The following PDE4D variants were observed in gnomAD, a reference collection of about 807,000 sequenced individuals.
PDE4D encodes 3',5'-cyclic-AMP phosphodiesterase 4D.
PDE4D carries 24 observed loss-of-function variants against 87.4 expected under a neutral mutation model. The observed-to-expected ratio is 0.27, with a 90% CI of 0.20 to 0.39. PDE4D has a LOEUF of 0.39. PDE4D is among the 10% of genes least tolerant of loss of function. PDE4D has a pLI of 1.00. For missense variants in PDE4D, 714 were observed against 1,041.0 expected, an observed-to-expected ratio of 0.69 and a Z score of 4.32; for synonymous variants, 384 against 383.2, an observed-to-expected ratio of 1.00 and a Z score of -0.02.
intron 2 of PDE4D, among the ~76,000 whole-genome samples, chr5:60,031,568 G>A (rs1332606185): frequency 6.6e-6 from 1 of 152,186 alleles, no homozygotes; most frequent in Non-Finnish European, 1.5e-5. Flanking sequence ...CCAAACCAAA[G>A]CAGATGTCAG....
chr5:59,521,867 T>C (rs1354843934), intron 1 of PDE4D, among the ~76,000 whole-genome samples: 1 of 152,244 alleles, frequency 6.6e-6, no homozygotes, highest in African/African-American at 2.4e-5. Context: ...GTCTGGTACA[T>C]GGTAAACACT....
chr5:59,009,127 A>G (rs1752253605), intron 6 of PDE4D, among the ~76,000 whole-genome samples: 1 of 152,150 alleles, frequency 6.6e-6, no homozygotes, highest in Non-Finnish European at 1.5e-5. Context: ...TGCTAGTGAG[A>G]ATGCAAAATG....
chr5:60,147,895 C>A, intron 2 of PDE4D: 1 of 417,996 alleles, frequency 2.4e-6, no homozygotes, highest in Non-Finnish European at 4.8e-6. Context: ...GAAAGAGAAA[C>A]TGTAACCAAG....
At chr5:60,137,751 A>G (rs977790865) in intron 2 of PDE4D, among the ~76,000 whole-genome samples, 5 of 151,936 alleles carry the variant, frequency 3.3e-5, no homozygotes, top group African/African-American at 1.2e-4. Context: ...TACTCTGTTA[A>G]TATTTTCTTT....
intron 1 of PDE4D, among the ~76,000 whole-genome samples, chr5:60,395,757 G>GA (rs70975383): frequency 3.7e-4 from 48 of 130,680 alleles, no homozygotes; most frequent in East Asian, 6.5e-4. Context: ...CAAGATAGAA[G>GA]AAAAAAAAAA....
intron 2 of PDE4D, among the ~76,000 whole-genome samples, chr5:60,108,399 C>A (rs1021572485): frequency 1.3e-4 from 20 of 151,992 alleles, no homozygotes; most frequent in Non-Finnish European, 2.6e-4. Flanking sequence ...GTTCATGGGT[C>A]GGAAGAATCA....
chr5:59,252,541 C>T (rs1581616370), intron 1 of PDE4D, among the ~76,000 whole-genome samples: 1 of 151,610 alleles, frequency 6.6e-6, no homozygotes, highest in South Asian at 2.1e-4. Flanking sequence ...TTTTTTTCCC[C>T]GAGATGGGGT....
intron 2 of PDE4D, among the ~76,000 whole-genome samples, chr5:60,179,477 G>T (rs1562189217): frequency 6.6e-6 from 1 of 151,934 alleles, no homozygotes; most frequent in Non-Finnish European, 1.5e-5. Flanking sequence ...TGATGATTTG[G>T]TTTGGATTTT....
intron 1 of PDE4D, among the ~76,000 whole-genome samples, chr5:60,474,112 A>ATATATGTGTG (rs1464652064): frequency 4.0e-5 from 3 of 74,910 alleles, no homozygotes; most frequent in African/African-American, 9.4e-5. Context: ...TGCCATATAT[A>ATATATGTGTG]TATATATATA....
intron 1 of PDE4D, among the ~76,000 whole-genome samples, chr5:59,237,782 GGTGTGTGT>G (rs61375269): frequency 6.4e-4 from 19 of 29,476 alleles, no homozygotes; most frequent in South Asian, 1.2e-3. Context: ...CCCTCATATA[GGTGTGTGT>G]GTGTGTGTGT....
chr5:60,029,177 T>C (rs777152222), intron 2 of PDE4D, among the ~76,000 whole-genome samples: 1 of 152,132 alleles, frequency 6.6e-6, no homozygotes, highest in Non-Finnish European at 1.5e-5. Context: ...GCTTTTAGGG[T>C]ATCCATCACT....
chr5:59,703,451 A>T (rs889914227), intron 1 of PDE4D, among the ~76,000 whole-genome samples: 3 of 152,176 alleles, frequency 2.0e-5, no homozygotes, highest in African/African-American at 7.2e-5. Flanking sequence ...CCCTTACCAA[A>T]AGAACAGATA....
At chr5:59,131,995 C>T (rs1776359652) in intron 5 of PDE4D, among the ~76,000 whole-genome samples, 2 of 152,110 alleles carry the variant, frequency 1.3e-5, no homozygotes, top group South Asian at 4.2e-4. Context: ...TCGGGTCCCA[C>T]CTTTATTTTT....
intron 1 of PDE4D, among the ~76,000 whole-genome samples, chr5:59,763,872 C>T (rs1315322218): frequency 1.3e-5 from 2 of 152,166 alleles, no homozygotes; most frequent in African/African-American, 4.8e-5. Context: ...GTGCTCAACA[C>T]ATACTAGCTA....
chr5:59,985,259 C>G (rs1021473417), intron 3 of PDE4D, among the ~76,000 whole-genome samples: 3 of 151,766 alleles, frequency 2.0e-5, no homozygotes, highest in Non-Finnish European at 2.9e-5. Context: ...TTGCCTCAGC[C>G]TCCTGAGTAG....
At chr5:59,932,643 G>T (rs1441779516) in intron 3 of PDE4D, among the ~76,000 whole-genome samples, 1 of 152,158 alleles carries the variant, frequency 6.6e-6, no homozygotes, top group African/African-American at 2.4e-5. Context: ...AGTAACCAAA[G>T]ATTGTGATAA....
At chr5:59,490,020 T>A (rs923023592) in intron 1 of PDE4D, among the ~76,000 whole-genome samples, 1 of 152,208 alleles carries the variant, frequency 6.6e-6, no homozygotes. Context: ...AATAACAACA[T>A]TTTAATTGTT....
chr5:59,172,531 C>A (rs1783178423), intron 5 of PDE4D, among the ~76,000 whole-genome samples: 1 of 149,360 alleles, frequency 6.7e-6, no homozygotes, highest in African/African-American at 2.5e-5. Context: ...GCCGCCTCTA[C>A]AAAAAATACA....
At chr5:59,442,291 G>C (rs1797750477) in intron 1 of PDE4D, among the ~76,000 whole-genome samples, 1 of 152,156 alleles carries the variant, frequency 6.6e-6, no homozygotes, top group Non-Finnish European at 1.5e-5. Flanking sequence ...AACTTGTGGG[G>C]AACATCAAAT....
Sources: gnomAD v4.1 joint callset for allele counts (sites outside exome capture counted in the v4.1 genomes callset) on GRCh38, gnomAD v4.1.1 for gene constraint, MANE v1.5 for transcripts, NCBI Gene and HGNC (gene_info 2026-07-23, HGNC 2026-07-21) for gene names.